Variants in ST6GAL1 observed in about 807,000 individuals in gnomAD.
The protein encoded by ST6GAL1 is ST6 beta-galactoside alpha-2,6-sialyltransferase 1.
A neutral mutation model predicts 38.0 loss-of-function variants in ST6GAL1; 20 were observed. That is an observed-to-expected ratio of 0.53 (90% CI 0.37 to 0.77). The LOEUF (loss-of-function observed/expected upper bound fraction) is 0.77, where lower values mean the gene tolerates loss of function less well. Ranked by LOEUF, ST6GAL1 falls within the 30% of genes least tolerant of loss-of-function variation. The pLI is 0.00. For missense variants in ST6GAL1, 432 were observed against 496.4 expected (o/e 0.87, Z 1.23); for synonymous variants, 196 against 188.2 (o/e 1.04, Z -0.34).
intron 1 of ST6GAL1, among the ~76,000 whole-genome samples, chr3:186,961,891 C>A (rs1216669108): frequency 6.6e-6 from 1 of 152,134 alleles, no homozygotes; most frequent in East Asian, 1.9e-4. Flanking sequence ...TACCTCCACC[C>A]CAGGAGCACT....
chr3:186,953,756 A>G (rs1033012785), intron 1 of ST6GAL1, among the ~76,000 whole-genome samples: 1 of 152,150 alleles, frequency 6.6e-6, no homozygotes, highest in Non-Finnish European at 1.5e-5. Flanking sequence ...TGACATTTCA[A>G]AATTAGTTGG....
intron 2 of ST6GAL1, among the ~76,000 whole-genome samples, chr3:187,022,330 A>G (rs1717348503): frequency 6.6e-6 from 1 of 151,980 alleles, no homozygotes; most frequent in Non-Finnish European, 1.5e-5. Flanking sequence ...AAAGATGGCT[A>G]CAGAGAGTTT....
In ST6GAL1 at chr3:187,078,238, GCTGT is replaced by G. The variant is rs1444999104; in HGVS notation, c.*2438_*2441del. On this transcript the variant is annotated 3_prime_UTR_variant, in exon 8 of 8. Transcript: ENST00000169298. Reference sequence around the variant, plus strand: ...AAGTCTACAGAACTTTTAGTTCTGTGCTGTCTATGTGGACACTTTGGTAAAATGC... The same window carrying G: ...AAGTCTACAGAACTTTTAGTTCTGTGCTATGTGGACACTTTGGTAAAATGC... The G allele has an allele frequency of 3.3e-5, 5 of 152,440 alleles. No homozygotes were observed. Among genetic ancestry groups the G allele is most frequent in the East Asian group, 1.9e-4 (1 of 5,196 alleles). 9.4% of individuals were successfully genotyped at this position (152,440 alleles called of 1,614,324 possible).
chr3:186,998,932 A>T (rs139895668), intron 2 of ST6GAL1, among the ~76,000 whole-genome samples: 1 of 152,372 alleles, frequency 6.6e-6, no homozygotes, highest in Non-Finnish European at 1.5e-5. Context: ...GGTTGAGGAA[A>T]TGAAGCCCAG....
At chr3:186,934,027 G>T (rs770038422) in intron 1 of ST6GAL1, among the ~76,000 whole-genome samples, 7 of 152,182 alleles carry the variant, frequency 4.6e-5, no homozygotes, top group Non-Finnish European at 1.0e-4. Context: ...GGGCTGCTTT[G>T]TATGAAATCA....
chr3:187,066,601 C>CGCGT (rs1553836656), intron 5 of ST6GAL1, among the ~76,000 whole-genome samples: 2 of 148,730 alleles, frequency 1.3e-5, no homozygotes, highest in Non-Finnish European at 3.0e-5. Flanking sequence ...TGCGTGCGTG[C>CGCGT]GTGTGTGTGT....
intron 1 of ST6GAL1, among the ~76,000 whole-genome samples, chr3:186,939,185 C>T (rs1351361350): frequency 6.6e-6 from 1 of 151,970 alleles, no homozygotes; most frequent in African/African-American, 2.4e-5. Flanking sequence ...AGCGATCCTC[C>T]TGCCTCAGCC....
intron 5 of ST6GAL1, chr3:187,064,599 T>C (rs557098602): frequency 2.2e-6 from 1 of 456,740 alleles, no homozygotes. Context: ...CAAGAGAGCC[T>C]TTCCTGCTGC....
chr3:186,980,258 T>C (rs1291763564), intron 2 of ST6GAL1, among the ~76,000 whole-genome samples: 1 of 152,110 alleles, frequency 6.6e-6, no homozygotes, highest in Non-Finnish European at 1.5e-5. Flanking sequence ...TGGGGAGCAG[T>C]GGATGCAGCG....
At chr3:186,994,039 C>T (rs1428478757) in intron 2 of ST6GAL1, among the ~76,000 whole-genome samples, 2 of 152,114 alleles carry the variant, frequency 1.3e-5, no homozygotes, top group East Asian at 3.9e-4. Context: ...CCACATATTT[C>T]TATGTGTTGG....
intron 2 of ST6GAL1, among the ~76,000 whole-genome samples, chr3:187,035,738 A>G (rs1248714490): frequency 6.6e-6 from 1 of 152,186 alleles, no homozygotes; most frequent in Non-Finnish European, 1.5e-5. Context: ...TCCTTATACC[A>G]TATACAAAAA....
intron 2 of ST6GAL1, among the ~76,000 whole-genome samples, chr3:187,037,446 G>A (rs1579345480): frequency 6.6e-6 from 1 of 151,862 alleles, no homozygotes; most frequent in Non-Finnish European, 1.5e-5. Flanking sequence ...CCTTTTTATT[G>A]TAGTTACAGT....
intron 1 of ST6GAL1, among the ~76,000 whole-genome samples, chr3:186,960,752 G>A (rs1279458128): frequency 1.3e-5 from 2 of 151,210 alleles, no homozygotes; most frequent in East Asian, 3.9e-4. Flanking sequence ...TTTTTGTTTC[G>A]TTTTGTTTTC....
intron 1 of ST6GAL1, among the ~76,000 whole-genome samples, chr3:186,949,928 G>A (rs151113373): frequency 3.0e-4 from 46 of 152,290 alleles, no homozygotes; most frequent in Middle Eastern, 3.4e-3. Context: ...ATAAATCGTG[G>A]TTATTTTCAA....
At chr3:186,953,816 T>G (rs1714658842) in intron 1 of ST6GAL1, among the ~76,000 whole-genome samples, 2 of 152,068 alleles carry the variant, frequency 1.3e-5, no homozygotes, top group Admixed American at 1.3e-4. Flanking sequence ...AGAGGTTTTT[T>G]TTTTTTTTTT....
intron 2 of ST6GAL1, among the ~76,000 whole-genome samples, chr3:187,001,687 G>C (rs1716622066): frequency 6.6e-6 from 1 of 152,222 alleles, no homozygotes; most frequent in Admixed American, 6.5e-5. Context: ...GCCGGGCTCA[G>C]TGGCTCACTC....
chr3:186,984,169 C>T (rs903101464), intron 2 of ST6GAL1, among the ~76,000 whole-genome samples: 6 of 152,150 alleles, frequency 3.9e-5, no homozygotes, highest in Non-Finnish European at 5.9e-5. Context: ...TCTAAAATAT[C>T]GGGCATGATT....
intron 2 of ST6GAL1, among the ~76,000 whole-genome samples, chr3:186,998,616 GAA>G (rs897664126): frequency 6.6e-6 from 1 of 151,990 alleles, no homozygotes; most frequent in Non-Finnish European, 1.5e-5. Context: ...AACTTTTATT[GAA>G]AAAATCTGCA....
In ST6GAL1 at chr3:187,043,319, TG is replaced by T. The variant is rs771492122; in HGVS notation, c.607+13del. ...ACTAGGCAGAGAAATCGGTATGTTC[TG>T]GGGTTGTTCTGTGAATGGCAGTGCT... is the stretch of plus-strand genomic sequence containing the variant. On this transcript the variant is annotated intron_variant, in intron 4 of 7. Transcript: ENST00000169298. 3 of 1,608,434 alleles carry T rather than the reference TG, an allele frequency of 1.9e-6. No homozygotes were observed. The highest frequency in any genetic ancestry group is 2.5e-6 in the Non-Finnish European group (3 of 1,177,096).
Sources: allele counts gnomAD v4.1 joint callset (sites outside exome capture counted in the v4.1 genomes callset), GRCh38; gene constraint gnomAD v4.1.1; transcripts MANE v1.5; gene names NCBI Gene and HGNC (gene_info 2026-07-23, HGNC 2026-07-21).